Variants in GPHN observed in about 807,000 individuals in gnomAD.
GPHN encodes gephyrin.
In GPHN, 17 loss-of-function variants were observed where a neutral mutation model predicts 95.5. The ratio of observed to expected loss-of-function variants is 0.18; its 90% CI spans 0.12 to 0.27. The LOEUF is 0.27. Ranked by LOEUF, GPHN falls within the 10% of genes least tolerant of loss-of-function variation. GPHN has a pLI of 1.00. For missense variants in GPHN, 660 were observed against 978.1 expected, an observed-to-expected ratio of 0.67 and a Z score of 4.34; for synonymous variants, 320 against 322.5, an observed-to-expected ratio of 0.99 and a Z score of 0.08.
chr14:67,141,185 T>C (rs1436871189), intron 17 of GPHN, among the ~76,000 whole-genome samples: 1 of 152,174 alleles, frequency 6.6e-6, no homozygotes. Flanking sequence ...TCAGAGCTTG[T>C]GGACAGGCCA....
chr14:67,095,451 A>G (rs2153672884), intron 12 of GPHN, among the ~76,000 whole-genome samples: 1 of 152,312 alleles, frequency 6.6e-6, no homozygotes, highest in Non-Finnish European at 1.5e-5. Context: ...AGGACTATAA[A>G]TCATGCTGCT....
At chr14:67,383,502 TA>T in the GPHN span, 1 of 1,599,014 alleles carries the variant, frequency 6.3e-7, no homozygotes, top group Non-Finnish European at 8.5e-7. Context: ...CTGTAAATCC[TA>T]GACTTGAAAG....
At chr14:67,654,660 T>C in the GPHN span, among the ~76,000 whole-genome samples, 1 of 152,174 alleles carries the variant, frequency 6.6e-6, no homozygotes, top group East Asian at 1.9e-4. Flanking sequence ...GTCCAAATCT[T>C]GGCCACAGTA....
the GPHN span, among the ~76,000 whole-genome samples, chr14:67,355,032 G>A: frequency 1.3e-5 from 2 of 151,860 alleles, no homozygotes; most frequent in Non-Finnish European, 2.9e-5. Flanking sequence ...GGCTGGTCTC[G>A]AACTCCTGAC....
At chr14:66,785,237 A>C (rs552549672) in intron 3 of GPHN, among the ~76,000 whole-genome samples, 1 of 152,150 alleles carries the variant, frequency 6.6e-6, no homozygotes, top group Non-Finnish European at 1.5e-5. Flanking sequence ...ATGGTGGCAC[A>C]TGCCTGTAGT....
At chr14:66,785,694 C>T (rs1201592698) in intron 3 of GPHN, among the ~76,000 whole-genome samples, 1 of 144,500 alleles carries the variant, frequency 6.9e-6, no homozygotes, top group East Asian at 2.1e-4. Flanking sequence ...TGTCCTCTGA[C>T]CATAATGGAA....
intron 1 of GPHN, among the ~76,000 whole-genome samples, chr14:66,527,666 G>A (rs1033602831): frequency 7.2e-5 from 11 of 152,196 alleles, no homozygotes; most frequent in African/African-American, 2.6e-4. Context: ...GGTACGTTGT[G>A]TCTTTGTTCT....
intron 1 of GPHN, among the ~76,000 whole-genome samples, chr14:66,590,078 T>C (rs568500411): frequency 4.3e-4 from 65 of 152,268 alleles, no homozygotes; most frequent in African/African-American, 1.5e-3. Flanking sequence ...GAATGACTAC[T>C]GGGTAAATAA....
chr14:67,393,713 G>A, the GPHN span, among the ~76,000 whole-genome samples: 394 of 152,026 alleles, frequency 2.6e-3, 8 homozygotes, highest in East Asian at 0.049. Context: ...CTCAGCCTCC[G>A]AAAGTACTGG....
chr14:67,592,908 C>G, the GPHN span: 2 of 447,498 alleles, frequency 4.5e-6, no homozygotes, highest in Admixed American at 7.5e-5. Context: ...GCCTCAGCCT[C>G]CCAAGTAGCT....
intron 2 of GPHN, among the ~76,000 whole-genome samples, chr14:66,771,788 A>G (rs1335860158): frequency 2.3e-5 from 3 of 131,182 alleles, no homozygotes; most frequent in African/African-American, 8.9e-5. Context: ...ATGTGATCTC[A>G]TTGTTCAATT....
At chr14:66,881,866 G>T (rs370816799) in intron 5 of GPHN, among the ~76,000 whole-genome samples, 9 of 151,674 alleles carry the variant, frequency 5.9e-5, no homozygotes, top group African/African-American at 2.2e-4. Context: ...CATATAAGCA[G>T]CATGGGAGCA....
intron 3 of GPHN, among the ~76,000 whole-genome samples, chr14:66,809,885 A>AT (rs1005262262): frequency 4.6e-5 from 7 of 151,878 alleles, no homozygotes; most frequent in African/African-American, 1.7e-4. Flanking sequence ...CTAGTCCCTT[A>AT]TTTTTTTTAA....
At chr14:67,666,146 C>T in the GPHN span, among the ~76,000 whole-genome samples, 511 of 152,354 alleles carry the variant, frequency 3.4e-3, 2 homozygotes, top group African/African-American at 0.012. Flanking sequence ...CAGTAAGAAG[C>T]AGTACTGTAC....
At chr14:67,507,301 A>G in the GPHN span, among the ~76,000 whole-genome samples, 1 of 152,084 alleles carries the variant, frequency 6.6e-6, no homozygotes, top group Non-Finnish European at 1.5e-5. Context: ...GTGAGCTATG[A>G]TTATGCCACT....
At chr14:66,728,618 C>T (rs149917321) in intron 2 of GPHN, among the ~76,000 whole-genome samples, 131 of 152,322 alleles carry the variant, frequency 8.6e-4, no homozygotes, top group African/African-American at 2.7e-3. Context: ...TTCAGACTTG[C>T]GTGGGGGCTT....
the GPHN span, among the ~76,000 whole-genome samples, chr14:67,561,109 A>G: frequency 6.6e-6 from 1 of 152,188 alleles, no homozygotes; most frequent in African/African-American, 2.4e-5. Context: ...TTGGCCTCCT[A>G]TCCCCTTCTT....
At chr14:66,547,367 A>C (rs2059641436) in intron 1 of GPHN, among the ~76,000 whole-genome samples, 1 of 152,204 alleles carries the variant, frequency 6.6e-6, no homozygotes, top group South Asian at 2.1e-4. Context: ...CAAACATAGC[A>C]GGTCTTTTCT....
At chr14:67,482,300 G>A in the GPHN span, among the ~76,000 whole-genome samples, 3 of 152,318 alleles carry the variant, frequency 2.0e-5, no homozygotes, top group South Asian at 2.1e-4. Context: ...TGCCATAAAA[G>A]TCTAAGACAG....
Sources: gnomAD v4.1 joint callset for allele counts (sites outside exome capture counted in the v4.1 genomes callset) on GRCh38, gnomAD v4.1.1 for gene constraint, MANE v1.5 for transcripts, NCBI Gene and HGNC (gene_info 2026-07-23, HGNC 2026-07-21) for gene names.